The following FAXC variants were observed in gnomAD, a reference collection of about 807,000 sequenced individuals.
FAXC encodes failed axon connections homolog, metaxin like GST domain containing.
A neutral mutation model predicts 41.9 loss-of-function variants in FAXC; 10 were observed. That is an observed-to-expected ratio of 0.24 (90% CI 0.15 to 0.41). The LOEUF (loss-of-function observed/expected upper bound fraction) is 0.41, where lower values mean the gene tolerates loss of function less well. Ranked by LOEUF, FAXC falls within the 10% of genes least tolerant of loss-of-function variation. FAXC has a pLI of 1.00. For missense variants in FAXC, 399 were observed against 510.9 expected (o/e 0.78, Z 2.11); for synonymous variants, 183 against 183.8 (o/e 1.00, Z 0.03).
chr6:99,289,599 T>C (rs1054889960), intron 5 of FAXC, among the ~76,000 whole-genome samples: 13 of 152,046 alleles, frequency 8.6e-5, no homozygotes, highest in Non-Finnish European at 1.9e-4. Context: ...GAGATTACAG[T>C]AAGCCATAAT....
chr6:99,334,166 C>A (rs1562182368), intron 2 of FAXC, among the ~76,000 whole-genome samples: 2 of 152,194 alleles, frequency 1.3e-5, no homozygotes, highest in African/African-American at 4.8e-5. Flanking sequence ...TGCCCAGAAT[C>A]TGTGTTTTTG....
chr6:99,343,295 A>G (rs894469831), intron 1 of FAXC, among the ~76,000 whole-genome samples: 3 of 152,212 alleles, frequency 2.0e-5, no homozygotes, highest in African/African-American at 7.2e-5. Flanking sequence ...CAAAGTAACT[A>G]CATAACAACC....
chr6:99,288,582 T>G (rs1316746193), intron 5 of FAXC, among the ~76,000 whole-genome samples: 2 of 152,200 alleles, frequency 1.3e-5, no homozygotes, highest in Admixed American at 6.6e-5. Flanking sequence ...CTCACCAATG[T>G]GATAACATAT....
At chr6:99,324,918 A>G (rs1337423739) in intron 3 of FAXC, among the ~76,000 whole-genome samples, 2 of 152,162 alleles carry the variant, frequency 1.3e-5, no homozygotes, top group African/African-American at 2.4e-5. Context: ...GTGGTGGTAC[A>G]TGCCTGTAGT....
intron 4 of FAXC, among the ~76,000 whole-genome samples, chr6:99,292,094 T>C (rs1771270086): frequency 6.6e-6 from 1 of 152,144 alleles, no homozygotes; most frequent in African/African-American, 2.4e-5. Context: ...AAGGGAGAAC[T>C]GATCACCACC....
intron 4 of FAXC, among the ~76,000 whole-genome samples, chr6:99,304,668 C>A (rs1486604259): frequency 1.2e-4 from 19 of 152,150 alleles, no homozygotes; most frequent in Admixed American, 1.2e-3. Context: ...AAGTTAGTAT[C>A]CATTCAGCAA....
chr6:99,335,057 A>G (rs1190703671), intron 2 of FAXC, among the ~76,000 whole-genome samples: 1 of 152,214 alleles, frequency 6.6e-6, no homozygotes, highest in African/African-American at 2.4e-5. Context: ...ACCTTGTTAC[A>G]TAATTATTTC....
rs184479436 is a variant in FAXC, at chr6:99,275,598, G to C, written c.*5566C>G. 5.9e-5 allele frequency: 9 copies of C among 152,322 alleles called. 1 individual carries two copies. The East Asian group carries it at 1.3e-3, about 23-fold the overall frequency. 9.4% of individuals were successfully genotyped at this position (152,322 alleles called of 1,614,324 possible). A position where few individuals can be genotyped will look rare whatever the true frequency, so the allele number is the denominator to read the frequency against. On this transcript the variant is annotated 3_prime_UTR_variant, in exon 6 of 6. Coordinates refer to ENST00000389677, the MANE Select transcript of FAXC (RefSeq NM_032511.4). ...TCGGCGAAAGCAGAATGGTTGAGGAGGTCACCCTGTCAGCTCCAAAACAGC... is the reference window on the plus strand; with the variant it reads ...TCGGCGAAAGCAGAATGGTTGAGGACGTCACCCTGTCAGCTCCAAAACAGC...
At chr6:99,283,358 A>G (rs1274922451) in intron 5 of FAXC, among the ~76,000 whole-genome samples, 1 of 152,214 alleles carries the variant, frequency 6.6e-6, no homozygotes, top group East Asian at 1.9e-4. Context: ...ATCTCCTGTA[A>G]CATTATTGTA....
intron 4 of FAXC, among the ~76,000 whole-genome samples, chr6:99,296,652 C>T (rs1562157409): frequency 1.3e-5 from 2 of 152,156 alleles, no homozygotes; most frequent in Non-Finnish European, 2.9e-5. Flanking sequence ...AGTCCACATC[C>T]TGATAGTAGC....
intron 4 of FAXC, among the ~76,000 whole-genome samples, chr6:99,306,459 G>A (rs948777999): frequency 1.3e-5 from 2 of 152,202 alleles, no homozygotes; most frequent in African/African-American, 2.4e-5. Context: ...GTTGTAGGAT[G>A]TGCTGAATTT....
chr6:99,292,947 C>A (rs112449527), intron 4 of FAXC, among the ~76,000 whole-genome samples: 15,908 of 152,138 alleles, frequency 0.1, 1,113 homozygotes, highest in East Asian at 0.31. Context: ...GCTGGGATCA[C>A]AGGCAGCCAC....
At chr6:99,290,850 C>T (rs1192547416) in intron 5 of FAXC, among the ~76,000 whole-genome samples, 1 of 150,060 alleles carries the variant, frequency 6.7e-6, no homozygotes, top group Non-Finnish European at 1.5e-5. Context: ...CTTGCTCTGT[C>T]GCCCAGGCTG....
intron 2 of FAXC, among the ~76,000 whole-genome samples, chr6:99,334,362 T>C (rs565580606): frequency 2.2e-4 from 33 of 152,250 alleles, no homozygotes; most frequent in Admixed American, 1.8e-3. Flanking sequence ...ATTAAGAAAA[T>C]AGAACCTCCT....
chr6:99,294,267 C>T (rs537030177), intron 4 of FAXC, among the ~76,000 whole-genome samples: 74 of 152,334 alleles, frequency 4.9e-4, no homozygotes, highest in African/African-American at 1.7e-3. Context: ...CCATAAGAAG[C>T]AACTCCTAAG....
chr6:99,308,125 C>T (rs1433373226), intron 4 of FAXC, among the ~76,000 whole-genome samples: 2 of 152,046 alleles, frequency 1.3e-5, no homozygotes, highest in African/African-American at 2.4e-5. Flanking sequence ...GGTGAAACCT[C>T]GTCTCTACTA....
Position 99,319,346 on chromosome 6 carries a change from C to G in FAXC, c.823+4098G>C, listed in dbSNP as rs1157879550. Among the ~76,000 whole-genome samples the G allele has an allele frequency of 2.0e-5, 3 of 150,652 alleles. No homozygotes were observed. The East Asian group carries it at 5.8e-4, about 29-fold the overall frequency. On this transcript the variant is annotated intron_variant, in intron 4 of 5. Transcript: ENST00000389677. ...CCCGCGAAGCGGAGCTTGCAGTGAG[C>G]CGAGATTGCACCACTGCACTCTAGC...
At chr6:99,318,306 CAA>C (rs1554201375) in intron 4 of FAXC, among the ~76,000 whole-genome samples, 4 of 135,318 alleles carry the variant, frequency 3.0e-5, no homozygotes, top group African/African-American at 8.2e-5. Context: ...CACACACACA[CAA>C]AATAGAAGAA....
At chr6:99,296,770 C>T (rs1029737040) in intron 4 of FAXC, among the ~76,000 whole-genome samples, 2 of 152,140 alleles carry the variant, frequency 1.3e-5, no homozygotes, top group Admixed American at 6.5e-5. Flanking sequence ...AGTGACCATG[C>T]AGCCAGAGGG....
Sources: allele counts gnomAD v4.1 joint callset (sites outside exome capture counted in the v4.1 genomes callset), GRCh38; gene constraint gnomAD v4.1.1; transcripts MANE v1.5; gene names NCBI Gene and HGNC (gene_info 2026-07-23, HGNC 2026-07-21).